Variants in LRRC8C observed in about 807,000 individuals in gnomAD.
LRRC8C encodes the protein leucine rich repeat containing 8 VRAC subunit C.
LRRC8C carries 20 observed loss-of-function variants against 55.3 expected under a neutral mutation model. The ratio of observed to expected loss-of-function variants is 0.36; its 90% CI spans 0.25 to 0.53. The LOEUF (loss-of-function observed/expected upper bound fraction) is 0.53, where lower values mean the gene tolerates loss of function less well. Ranked by LOEUF, LRRC8C falls within the 20% of genes least tolerant of loss-of-function variation. The probability of loss-of-function intolerance (pLI) is 0.92; values close to 1 mark genes in which losing one functional copy is unlikely to be tolerated. For missense variants in LRRC8C, 659 were observed against 951.4 expected (o/e 0.69, Z 4.04); for synonymous variants, 376 against 360.7 (o/e 1.04, Z -0.48).
At chr1:89,705,548 G>A (rs1024985034) in intron 2 of LRRC8C, among the ~76,000 whole-genome samples, 1 of 152,056 alleles carries the variant, frequency 6.6e-6, no homozygotes, top group African/African-American at 2.4e-5. Context: ...GGAGACTGAG[G>A]TGGGTGGATC....
intron 1 of LRRC8C, chr1:89,676,095 T>C (rs899040781): frequency 6.6e-6 from 1 of 152,220 alleles, no homozygotes; most frequent in African/African-American, 2.4e-5. Context: ...CTGAAACTAT[T>C]TGACAAAAAT....
At chr1:89,691,346 A>C (rs1289417466) in intron 2 of LRRC8C, among the ~76,000 whole-genome samples, 3 of 152,212 alleles carry the variant, frequency 2.0e-5, no homozygotes, top group Non-Finnish European at 4.4e-5. Context: ...AAGACGCATG[A>C]AGGGGAAAAC....
the LRRC8C span, among the ~76,000 whole-genome samples, chr1:89,622,499 A>AT: frequency 3.3e-5 from 5 of 151,612 alleles, no homozygotes; most frequent in African/African-American, 9.7e-5. Flanking sequence ...CTCCTGGCTA[A>AT]TTTTTTTGTA....
intron 1 of LRRC8C, among the ~76,000 whole-genome samples, chr1:89,640,053 G>A (rs1222385727): frequency 1.3e-5 from 2 of 152,152 alleles, no homozygotes; most frequent in African/African-American, 4.8e-5. Flanking sequence ...CATACATCTT[G>A]TCAGTTCTCC....
intron 2 of LRRC8C, among the ~76,000 whole-genome samples, chr1:89,696,310 C>T (rs1293911780): frequency 6.6e-6 from 1 of 152,176 alleles, no homozygotes; most frequent in Non-Finnish European, 1.5e-5. Context: ...GTCTCAAGCA[C>T]TTTCTTTGCC....
At chr1:89,652,283 T>C (rs1656811603) in intron 1 of LRRC8C, among the ~76,000 whole-genome samples, 1 of 152,134 alleles carries the variant, frequency 6.6e-6, no homozygotes, top group Non-Finnish European at 1.5e-5. Context: ...ATTGAGATAT[T>C]GCTGCTAAGA....
At chr1:89,682,429 G>GT (rs1265523517) in intron 1 of LRRC8C, among the ~76,000 whole-genome samples, 1 of 152,172 alleles carries the variant, frequency 6.6e-6, no homozygotes, top group African/African-American at 2.4e-5. Flanking sequence ...TCAGGTCTTT[G>GT]TTTTTTCAAA....
At chr1:89,692,307 A>T (rs192732820) in intron 2 of LRRC8C, among the ~76,000 whole-genome samples, 9 of 152,236 alleles carry the variant, frequency 5.9e-5, no homozygotes, top group African/African-American at 2.2e-4. Flanking sequence ...ACAAGGCAAA[A>T]TCTAAGGTGA....
At chr1:89,621,041 T>G in the LRRC8C span, among the ~76,000 whole-genome samples, 2 of 152,232 alleles carry the variant, frequency 1.3e-5, no homozygotes, top group African/African-American at 4.8e-5. Context: ...GAATTTTGCA[T>G]GAAGCCTTTT....
rs572618916 is a variant in LRRC8C at position 89,704,728 on chromosome 1, A to G, written c.139-7981A>G. On this transcript the variant is annotated intron_variant, in intron 2 of 2. Transcript: ENST00000370454. ...CAAATCAAAACCACAATGAGATACCATCTCACACCAGTTAGAATGGCGATC... is the reference window on the plus strand; with the variant it reads ...CAAATCAAAACCACAATGAGATACCGTCTCACACCAGTTAGAATGGCGATC... Among the ~76,000 whole-genome samples the G allele has an allele frequency of 7.9e-5, 12 of 152,294 alleles. 1 individual carries two copies. The East Asian group carries it at 2.3e-3, about 29-fold the overall frequency.
intron 1 of LRRC8C, among the ~76,000 whole-genome samples, chr1:89,664,554 A>G (rs958898505): frequency 2.0e-5 from 3 of 152,146 alleles, no homozygotes; most frequent in Non-Finnish European, 4.4e-5. Flanking sequence ...GCCTTGTAGT[A>G]TAGTTTGAAG....
At chr1:89,655,165 C>T (rs907582505) in intron 1 of LRRC8C, among the ~76,000 whole-genome samples, 6 of 151,930 alleles carry the variant, frequency 3.9e-5, no homozygotes, top group African/African-American at 1.2e-4. Context: ...TTATTTTTCC[C>T]CGTCTGTTTT....
Position 89,714,885 on chromosome 1 carries a change from G to C in LRRC8C, c.2315G>C (p.Gly772Ala). 1 of 1,614,124 alleles carries C rather than the reference G, an allele frequency of 6.2e-7. No individual in the cohort carries two copies. The highest frequency in any genetic ancestry group is 8.5e-7 in the Non-Finnish European group (1 of 1,180,006). The stretch of plus-strand genomic sequence containing the variant: ...TTTGAAATCCTCCCTCCTGAACTGG[G>C]TGACTGTCGGGCTCTGAAGCGAGCT... The part of the protein sequence containing the change: ...NHFEILPPEL[G>A]DCRALKRAGL... The change falls in exon 3 of 3, where the codon GGT becomes GCT. Residue 772 changes from glycine (G) to alanine (A), a missense_variant. Gly to Ala is a moderately conservative substitution (Grantham distance 60). Transcript: ENST00000370454. The surrounding 1 kb of genome is among the most constrained non-coding windows in gnomAD (Gnocchi z 4.6).
chr1:89,707,068 C>G (rs866893400), intron 2 of LRRC8C, among the ~76,000 whole-genome samples: 3 of 151,996 alleles, frequency 2.0e-5, no homozygotes, highest in Non-Finnish European at 4.4e-5. Flanking sequence ...AATTGGGAAG[C>G]CTTGAGGAGT....
At chr1:89,626,053 G>C in the LRRC8C span, among the ~76,000 whole-genome samples, 1 of 152,058 alleles carries the variant, frequency 6.6e-6, no homozygotes, top group South Asian at 2.1e-4. Flanking sequence ...CACTTCATGG[G>C]TACAGCCAGT....
chr1:89,709,755 GT>G (rs67684610), intron 2 of LRRC8C, among the ~76,000 whole-genome samples: 1,346 of 134,428 alleles, frequency 0.01, 28 homozygotes, highest in African/African-American at 0.035. Context: ...TTTTTTGTTT[GT>G]TTTTTTTTTG....
At chr1:89,620,317 A>G in the LRRC8C span, among the ~76,000 whole-genome samples, 4 of 152,346 alleles carry the variant, frequency 2.6e-5, no homozygotes, top group African/African-American at 9.6e-5. Context: ...GAGGGGACAC[A>G]AACATTCAAA....
At chr1:89,656,205 G>A (rs560338280) in intron 1 of LRRC8C, among the ~76,000 whole-genome samples, 2 of 152,308 alleles carry the variant, frequency 1.3e-5, no homozygotes, top group South Asian at 4.1e-4. Flanking sequence ...CTCACAGATT[G>A]CAGCTAGTTT....
intron 2 of LRRC8C, among the ~76,000 whole-genome samples, chr1:89,712,149 G>A (rs1658666516): frequency 6.6e-6 from 1 of 152,044 alleles, no homozygotes; most frequent in South Asian, 2.1e-4. Flanking sequence ...TTTTGTTCTT[G>A]TCGCCCATGT....
Sources: gnomAD v4.1 joint callset for allele counts (sites outside exome capture counted in the v4.1 genomes callset) on GRCh38, gnomAD v4.1.1 for gene constraint, Gnocchi (gnomAD v3.1) non-coding constraint, MANE v1.5 for transcripts, NCBI Gene and HGNC (gene_info 2026-07-23, HGNC 2026-07-21) for gene names.